GPHN: variants seen among roughly 807,000 people sequenced by gnomAD.
GPHN encodes the protein gephyrin.
GPHN carries 17 observed loss-of-function variants against 95.5 expected under a neutral mutation model. The observed-to-expected ratio is 0.18, with a 90% confidence interval of 0.12 to 0.27. GPHN has a LOEUF of 0.27. Among genes scored for constraint, GPHN ranks in the 10% least tolerant of loss-of-function variants. GPHN has a pLI of 1.00. For synonymous variants in GPHN, 320 were observed against 322.5 expected, an observed-to-expected ratio of 0.99 and a Z score of 0.08; for missense variants, 660 against 978.1, an observed-to-expected ratio of 0.67 and a Z score of 4.34.
chr14:67,139,087 G>A (rs183279101), intron 17 of GPHN, among the ~76,000 whole-genome samples: 241 of 151,662 alleles, frequency 1.6e-3, no homozygotes, highest in African/African-American at 5.5e-3. Flanking sequence ...GCCAGCCATG[G>A]TGGCGGACAT....
At chr14:67,126,446 G>C (rs1009137808) in intron 17 of GPHN, among the ~76,000 whole-genome samples, 6 of 152,142 alleles carry the variant, frequency 3.9e-5, no homozygotes, top group African/African-American at 1.4e-4. Context: ...AGAATGAGTA[G>C]GATTTAGATA....
the GPHN span, chr14:67,725,055 G>A: frequency 5.2e-5 from 83 of 1,609,920 alleles, no homozygotes; most frequent in Non-Finnish European, 6.8e-5. Context: ...CTCCTTTATA[G>A]CCTAGGATAT....
chr14:66,799,616 T>C (rs1390182027), intron 3 of GPHN, among the ~76,000 whole-genome samples: 2 of 152,040 alleles, frequency 1.3e-5, no homozygotes, highest in Non-Finnish European at 2.9e-5. Flanking sequence ...TTGTCTGATA[T>C]AAGTGTATCA....
the GPHN span, chr14:67,586,121 G>T: frequency 4.3e-6 from 7 of 1,612,402 alleles, no homozygotes; most frequent in Non-Finnish European, 5.9e-6. Context: ...CTGTTAAAAC[G>T]TTCTACTCTG....
chr14:67,603,711 CTT>C, the GPHN span, among the ~76,000 whole-genome samples: 1 of 152,194 alleles, frequency 6.6e-6, no homozygotes, highest in Non-Finnish European at 1.5e-5. Context: ...GAGTTTTGCT[CTT>C]GTTACCCAGG....
At chr14:67,410,694 A>G in the GPHN span, among the ~76,000 whole-genome samples, 5 of 152,322 alleles carry the variant, frequency 3.3e-5, no homozygotes, top group Admixed American at 2.6e-4. Flanking sequence ...GGGCTGATCC[A>G]GCCACCCCGG....
At chr14:67,199,051 G>A in the GPHN span, 2 of 759,866 alleles carry the variant, frequency 2.6e-6, no homozygotes, top group Non-Finnish European at 4.7e-6. Flanking sequence ...GATGGCAGGA[G>A]CTCTTTTGCC....
chr14:67,616,025 GA>G, the GPHN span: 1 of 303,770 alleles, frequency 3.3e-6, no homozygotes. Flanking sequence ...AAAAAAGCAA[GA>G]AAAAGAAAGA....
chr14:66,922,458 C>T (rs1234071903), intron 6 of GPHN, among the ~76,000 whole-genome samples: 1 of 152,098 alleles, frequency 6.6e-6, no homozygotes, highest in East Asian at 1.9e-4. Context: ...CATTGTAGCA[C>T]TGTAGTTCCT....
intron 2 of GPHN, among the ~76,000 whole-genome samples, chr14:66,729,467 T>C (rs1379007704): frequency 6.6e-6 from 1 of 152,138 alleles, no homozygotes; most frequent in East Asian, 1.9e-4. Context: ...AGTCATATAA[T>C]TCAAAGATTA....
At chr14:66,523,935 C>G (rs2058581347) in intron 1 of GPHN, among the ~76,000 whole-genome samples, 1 of 152,032 alleles carries the variant, frequency 6.6e-6, no homozygotes, top group Non-Finnish European at 1.5e-5. Context: ...TCTGCTTGAT[C>G]TAAATTCTTG....
At chr14:66,518,058 T>C (rs2058321841) in intron 1 of GPHN, among the ~76,000 whole-genome samples, 1 of 150,464 alleles carries the variant, frequency 6.6e-6, no homozygotes, top group Non-Finnish European at 1.5e-5. Flanking sequence ...GGGATTAATA[T>C]CTAGGATATA....
intron 20 of GPHN, among the ~76,000 whole-genome samples, chr14:67,167,356 T>G (rs2082338807): frequency 6.6e-6 from 1 of 152,106 alleles, no homozygotes; most frequent in African/African-American, 2.4e-5. Context: ...TTACAATGGC[T>G]TTTTTATTTG....
chr14:67,717,221 G>A, the GPHN span, among the ~76,000 whole-genome samples: 1 of 152,150 alleles, frequency 6.6e-6, no homozygotes, highest in African/African-American at 2.4e-5. Context: ...CAAAGGCATA[G>A]ACTCATGTAA....
At chr14:67,004,160 C>T (rs1459082533) in intron 9 of GPHN, among the ~76,000 whole-genome samples, 1 of 151,686 alleles carries the variant, frequency 6.6e-6, no homozygotes, top group Admixed American at 6.6e-5. Context: ...ATCTTGTTAT[C>T]CTGTGTGCAT....
the GPHN span, among the ~76,000 whole-genome samples, chr14:67,510,879 C>T: frequency 2.6e-5 from 4 of 152,282 alleles, 1 homozygote; most frequent in South Asian, 6.2e-4. Flanking sequence ...GTGGGCTTCT[C>T]GCTGCACCAG....
chr14:67,334,366 AAAC>A, the GPHN span: 1 of 152,656 alleles, frequency 6.6e-6, no homozygotes, highest in East Asian at 1.9e-4. Flanking sequence ...GATGTGTAAC[AAAC>A]AACCTCAAAT....
At chr14:67,256,356 A>G in the GPHN span, among the ~76,000 whole-genome samples, 2 of 152,200 alleles carry the variant, frequency 1.3e-5, no homozygotes, top group African/African-American at 4.8e-5. Flanking sequence ...TTCATGCTCT[A>G]GTAGTCACAA....
At chr14:66,659,239 T>C (rs1319140531) in intron 1 of GPHN, among the ~76,000 whole-genome samples, 11 of 152,014 alleles carry the variant, frequency 7.2e-5, no homozygotes, top group African/African-American at 2.4e-4. Context: ...TAGAAGTCTC[T>C]TGTTTAGATT....
Sources: gnomAD v4.1 joint callset for allele counts (sites outside exome capture counted in the v4.1 genomes callset) on GRCh38, gnomAD v4.1.1 for gene constraint, MANE v1.5 for transcripts, NCBI Gene and HGNC (gene_info 2026-07-23, HGNC 2026-07-21) for gene names.